The following PGBD5 variants were observed in gnomAD, a reference collection of about 807,000 sequenced individuals.
PGBD5 encodes piggyBac transposable element-derived protein 5.
PGBD5 carries 14 observed loss-of-function variants against 47.9 expected under a neutral mutation model. The ratio of observed to expected loss-of-function variants is 0.29; its 90% CI spans 0.19 to 0.46. PGBD5 has a LOEUF of 0.46. Ranked by LOEUF, PGBD5 falls within the 20% of genes least tolerant of loss-of-function variation. The probability of loss-of-function intolerance (pLI) is 1.00; values close to 1 mark genes in which losing one functional copy is unlikely to be tolerated. For missense variants in PGBD5, 635 were observed against 716.0 expected (o/e 0.89, Z 1.29); for synonymous variants, 316 against 306.3 (o/e 1.03, Z -0.33).
intron 1 of PGBD5, among the ~76,000 whole-genome samples, chr1:230,419,108 A>G (rs1657589770): frequency 6.6e-6 from 1 of 152,250 alleles, no homozygotes; most frequent in Non-Finnish European, 1.5e-5. Context: ...ACATGCACCC[A>G]TATGTTCATT....
At chr1:230,423,536 T>C (rs1165867937) in intron 1 of PGBD5, among the ~76,000 whole-genome samples, 1 of 152,208 alleles carries the variant, frequency 6.6e-6, no homozygotes, top group African/African-American at 2.4e-5. Flanking sequence ...GCGCAAGGAT[T>C]TTCTCTGACC....
rs1028398400 is a variant in PGBD5 at position 230,344,328 on chromosome 1, GT to G, written c.894+6629del. 3.9e-5 allele frequency among the ~76,000 whole-genome samples: 6 copies of G among 152,168 alleles called. No homozygotes were observed. The South Asian group carries it at 1.2e-3, about 32-fold the overall frequency. ...TGAGATCTAGAGTCAGAATGGCTGGGTTTAATCCCAGGTCTACTGCTTTGTA... is the reference window on the plus strand; with the variant it reads ...TGAGATCTAGAGTCAGAATGGCTGGGTTAATCCCAGGTCTACTGCTTTGTA... On this transcript the variant is annotated intron_variant, in intron 3 of 6. Transcript: ENST00000391860.
intron 4 of PGBD5, 70 bp downstream of exon 4, chr1:230,337,038 C>A: frequency 6.5e-7 from 1 of 1,546,652 alleles, no homozygotes; most frequent in South Asian, 1.2e-5. Context: ...TGCACCCCCA[C>A]CTGGACCTCT....
In PGBD5 at chr1:230,381,619, C is replaced by T. The variant is rs547021932; in HGVS notation, c.332-24298G>A. Reference sequence around the variant, plus strand: ...TGAGAAAACCACCCACTACTTTCTTCTGTCCTATCAGTGTCCCTACTGCTA... The same window carrying T: ...TGAGAAAACCACCCACTACTTTCTTTTGTCCTATCAGTGTCCCTACTGCTA... On this transcript the variant is annotated intron_variant, in intron 1 of 6. Coordinates refer to ENST00000391860, the MANE Select transcript of PGBD5 (RefSeq NM_001258311.2). Among the ~76,000 whole-genome samples the T allele has an allele frequency of 3.9e-5, 6 of 152,368 alleles. No homozygotes were observed. In the East Asian group the frequency reaches 1.2e-3, roughly 29 times the overall value.
intron 1 of PGBD5, among the ~76,000 whole-genome samples, chr1:230,406,352 G>A (rs1181007105): frequency 3.5e-5 from 5 of 143,390 alleles, no homozygotes; most frequent in African/African-American, 1.3e-4. Flanking sequence ...TGTTAAAGTA[G>A]AAATATTTAG....
chr1:230,331,712 C>T (rs1174941245), intron 5 of PGBD5, among the ~76,000 whole-genome samples: 6 of 150,598 alleles, frequency 4.0e-5, no homozygotes, highest in African/African-American at 1.5e-4. Context: ...CCAGGCTGGT[C>T]TTGAACTCCT....
At chr1:230,402,560 C>T (rs1253830878) in intron 1 of PGBD5, among the ~76,000 whole-genome samples, 1 of 152,172 alleles carries the variant, frequency 6.6e-6, no homozygotes, top group African/African-American at 2.4e-5. Context: ...CTCAAGCAAT[C>T]CTGCTGCCTT....
At chr1:230,343,665 C>G (rs1667438983) in intron 3 of PGBD5, among the ~76,000 whole-genome samples, 1 of 152,206 alleles carries the variant, frequency 6.6e-6, no homozygotes, top group Non-Finnish European at 1.5e-5. Context: ...TGCCCAGCTT[C>G]TGAATCCACA....
At chr1:230,362,154 C>G in intron 1 of PGBD5, 1 of 1,214,600 alleles carries the variant, frequency 8.2e-7, no homozygotes, top group South Asian at 1.5e-5. Flanking sequence ...CGTGACCATG[C>G]TCTTGCAACT....
intron 1 of PGBD5, among the ~76,000 whole-genome samples, chr1:230,422,525 C>T (rs907402356): frequency 1.3e-5 from 2 of 152,148 alleles, no homozygotes; most frequent in Admixed American, 1.3e-4. Context: ...CCAGGCAGAT[C>T]ATGCATCTCC....
chr1:230,368,595 G>A (rs1667879728), intron 1 of PGBD5, among the ~76,000 whole-genome samples: 1 of 152,228 alleles, frequency 6.6e-6, no homozygotes, highest in Non-Finnish European at 1.5e-5. Context: ...ACTCTTCAGG[G>A]CTTGAGCGTA....
intron 1 of PGBD5, chr1:230,377,356 T>C (rs755238549): frequency 1.2e-5 from 11 of 918,128 alleles, no homozygotes; most frequent in Admixed American, 2.1e-5. Flanking sequence ...GCAATGGCCA[T>C]CCAGGTGAAA....
chr1:230,422,979 G>A (rs751251976), intron 1 of PGBD5, among the ~76,000 whole-genome samples: 6 of 150,914 alleles, frequency 4.0e-5, no homozygotes, highest in Non-Finnish European at 8.8e-5. Context: ...CATGCACAGC[G>A]ACTCTGCAAA....
chr1:230,369,482 C>A (rs1667894757), intron 1 of PGBD5, among the ~76,000 whole-genome samples: 1 of 152,202 alleles, frequency 6.6e-6, no homozygotes, highest in Admixed American at 6.5e-5. Flanking sequence ...CTGCACAGGG[C>A]TGGAATCACT....
intron 1 of PGBD5, among the ~76,000 whole-genome samples, chr1:230,410,061 G>A (rs1274512462): frequency 6.6e-6 from 1 of 152,110 alleles, no homozygotes; most frequent in African/African-American, 2.4e-5. Flanking sequence ...GACAAATAGG[G>A]TTGAAAATAA....
At position 230,337,139 on chromosome 1, in the gene PGBD5, G is replaced by C; in HGVS notation, c.1044C>G (p.Ser348Arg). 2 of 1,614,198 alleles carry C rather than the reference G, an allele frequency of 1.2e-6. No individual in the cohort carries two copies. Among genetic ancestry groups the C allele is most frequent in the Non-Finnish European group, 1.7e-6 (2 of 1,180,048 alleles). Reference protein sequence around the residue: ...YIIFTGPSITSLTLFEEFEKQ... With the variant: ...YIIFTGPSITRLTLFEEFEKQ... ...TCTCAAACTCTTCAAACAGCGTCAG[G>C]CTGGTGATGCTGGGCCCCGTGAAAA... Residue 348 changes from serine to arginine, a missense_variant, in exon 4 of 7, where the codon AGC (serine) becomes AGG (arginine). Physicochemically the swap from Ser to Arg is moderately radical, Grantham distance 110. Coordinates refer to ENST00000391860, the MANE Select transcript of PGBD5 (RefSeq NM_001258311.2).
intron 4 of PGBD5, among the ~76,000 whole-genome samples, chr1:230,335,065 A>G (rs1354943207): frequency 6.6e-6 from 1 of 151,854 alleles, no homozygotes; most frequent in Non-Finnish European, 1.5e-5. Flanking sequence ...ACACAAACAC[A>G]GATGCACACA....
At chr1:230,342,050 T>C (rs935610354) in intron 3 of PGBD5, among the ~76,000 whole-genome samples, 8 of 152,172 alleles carry the variant, frequency 5.3e-5, no homozygotes, top group Non-Finnish European at 1.2e-4. Flanking sequence ...GTTAATACCC[T>C]GGGGGACACA....
At chr1:230,333,062 G>C (rs1478448460) in intron 4 of PGBD5, 21 bp from the exon 5 acceptor site, 1 of 1,571,882 alleles carries the variant, frequency 6.4e-7, no homozygotes, top group East Asian at 2.3e-5. Flanking sequence ...AGGGAGGAAG[G>C]ATCGCACACT....
Sources: gnomAD v4.1 joint callset for allele counts (sites outside exome capture counted in the v4.1 genomes callset) on GRCh38, gnomAD v4.1.1 for gene constraint, MANE v1.5 for transcripts, NCBI Gene and HGNC (gene_info 2026-07-23, HGNC 2026-07-21) for gene names.